The following IGFL2 variants were observed in gnomAD, a reference collection of about 807,000 sequenced individuals.
IGFL2 encodes insulin growth factor-like family member 2.
Under a neutral mutation model 13.9 loss-of-function variants are expected in IGFL2, and 7 were observed. The observed-to-expected ratio is 0.51, with a 90% confidence interval of 0.29 to 0.95. The LOEUF (loss-of-function observed/expected upper bound fraction) is 0.95. Ranked by LOEUF, IGFL2 falls within the 40% of genes least tolerant of loss-of-function variation. The pLI is 0.08. For missense variants in IGFL2, 138 were observed against 147.8 expected (o/e 0.93, Z 0.34); for synonymous variants, 55 against 55.8 (o/e 0.99, Z 0.07).
the IGFL2 span, among the ~76,000 whole-genome samples, chr19:46,093,981 A>C: frequency 6.6e-6 from 1 of 151,358 alleles, no homozygotes; most frequent in African/African-American, 2.4e-5. Context: ...GTTAGATGTC[A>C]GTATTCTTCA....
chr19:46,127,676 A>ATGGG, the IGFL2 span, among the ~76,000 whole-genome samples: 3 of 152,136 alleles, frequency 2.0e-5, no homozygotes, highest in African/African-American at 7.2e-5. Flanking sequence ...TGATGGATGG[A>ATGGG]TGGGTGGTTG....
At chr19:46,087,240 G>T in the IGFL2 span, among the ~76,000 whole-genome samples, 2 of 152,216 alleles carry the variant, frequency 1.3e-5, no homozygotes, top group Non-Finnish European at 2.9e-5. Context: ...CAAGCAGTCT[G>T]TGCTGATGTT....
chr19:46,204,267 C>G, the IGFL2 span: 3 of 152,286 alleles, frequency 2.0e-5, no homozygotes, highest in South Asian at 4.2e-4. Context: ...GGCCAGCCCC[C>G]GGGTGCCTGG....
upstream of IGFL2, among the ~76,000 whole-genome samples, chr19:46,143,552 C>T (rs1030336445): frequency 1.3e-5 from 2 of 152,002 alleles, no homozygotes; most frequent in Non-Finnish European, 2.9e-5. Flanking sequence ...AGGTGTGAGC[C>T]ACCAGGCCCA....
At chr19:46,110,995 T>C in the IGFL2 span, 1 of 152,058 alleles carries the variant, frequency 6.6e-6, no homozygotes, top group Non-Finnish European at 1.5e-5. Flanking sequence ...TTATGTACAA[T>C]TTTTTTTACT....
the IGFL2 span, among the ~76,000 whole-genome samples, chr19:46,092,270 C>A: frequency 6.6e-6 from 1 of 152,148 alleles, no homozygotes; most frequent in Non-Finnish European, 1.5e-5. Flanking sequence ...AGCGATTCTT[C>A]TGCCTCAGTC....
the IGFL2 span, among the ~76,000 whole-genome samples, chr19:46,206,207 A>T: frequency 1.3e-5 from 2 of 152,064 alleles, no homozygotes; most frequent in Non-Finnish European, 2.9e-5. Context: ...CTGCCCCGTC[A>T]TCATCACCCA....
chr19:46,096,399 G>A, the IGFL2 span, among the ~76,000 whole-genome samples: 2,017 of 152,112 alleles, frequency 0.013, 31 homozygotes, highest in Middle Eastern at 0.027. Flanking sequence ...GAAGTTGCTT[G>A]TCAGCTTAAG....
At chr19:46,150,067 C>T (rs1243452328) in intron 1 of IGFL2, among the ~76,000 whole-genome samples, 1 of 152,156 alleles carries the variant, frequency 6.6e-6, no homozygotes, top group Non-Finnish European at 1.5e-5. Context: ...TTATTACAGT[C>T]ATCTGGGTGG....
the IGFL2 span, among the ~76,000 whole-genome samples, chr19:46,195,573 GTATGTATTTA>G: frequency 6.6e-6 from 1 of 152,074 alleles, no homozygotes; most frequent in African/African-American, 2.4e-5. Flanking sequence ...GAGTCTAAAT[GTATGTATTTA>G]TTTAGAGACA....
the IGFL2 span, chr19:46,120,359 T>C: frequency 1.2e-6 from 2 of 1,611,058 alleles, no homozygotes; most frequent in African/African-American, 2.7e-5. Context: ...CTCCTGTTCC[T>C]ATCACAGTGC....
At chr19:46,103,249 T>C in the IGFL2 span, among the ~76,000 whole-genome samples, 272 of 152,188 alleles carry the variant, frequency 1.8e-3, no homozygotes, top group Non-Finnish European at 3.1e-3. Context: ...TTAAAAAATA[T>C]ACAGAGTCCC....
chr19:46,201,378 A>C, the IGFL2 span, among the ~76,000 whole-genome samples: 2 of 152,242 alleles, frequency 1.3e-5, no homozygotes, highest in African/African-American at 4.8e-5. Context: ...CCTGCCTTGC[A>C]TTCTGGCCTC....
chr19:46,195,472 T>C, the IGFL2 span, among the ~76,000 whole-genome samples: 1 of 152,190 alleles, frequency 6.6e-6, no homozygotes, highest in African/African-American at 2.4e-5. Flanking sequence ...TATAAGCAAC[T>C]TGCTGTAATG....
chr19:46,161,603 G>A (rs1459903577), downstream of IGFL2, among the ~76,000 whole-genome samples: 1 of 151,852 alleles, frequency 6.6e-6, no homozygotes, highest in Admixed American at 6.6e-5. Flanking sequence ...TATCTTCATT[G>A]GTTTAATGTC....
the IGFL2 span, among the ~76,000 whole-genome samples, chr19:46,122,194 T>C: frequency 6.6e-6 from 1 of 150,964 alleles, no homozygotes; most frequent in Admixed American, 6.6e-5. Context: ...TTTCCCCACA[T>C]TGTTGATTGT....
the IGFL2 span, chr19:46,204,754 C>G: frequency 1.3e-5 from 2 of 152,244 alleles, no homozygotes; most frequent in African/African-American, 4.8e-5. Context: ...CACAGGTGCT[C>G]GTGTATATGA....
the IGFL2 span, among the ~76,000 whole-genome samples, chr19:46,189,004 GA>G: frequency 6.6e-6 from 1 of 152,212 alleles, no homozygotes; most frequent in South Asian, 2.1e-4. Flanking sequence ...AGAGATCATA[GA>G]AATAAAGACA....
the IGFL2 span, among the ~76,000 whole-genome samples, chr19:46,170,936 G>A: frequency 1.7e-3 from 254 of 152,214 alleles, 1 homozygote; most frequent in Middle Eastern, 0.01. Context: ...TTGTGATCTC[G>A]CCCTGACCTT....
Sources: allele counts gnomAD v4.1 joint callset (sites outside exome capture counted in the v4.1 genomes callset), GRCh38; gene constraint gnomAD v4.1.1; transcripts MANE v1.5; gene names NCBI Gene and HGNC (gene_info 2026-07-23, HGNC 2026-07-21).